Variants in CACNA2D3 observed in about 807,000 individuals in gnomAD.
CACNA2D3 encodes the protein calcium voltage-gated channel auxiliary subunit alpha2delta 3, also known as voltage-dependent calcium channel subunit alpha-2/delta-3.
CACNA2D3 carries 60 observed loss-of-function variants against 160.6 expected under a neutral mutation model. The ratio of observed to expected loss-of-function variants is 0.37; its 90% confidence interval spans 0.30 to 0.46. CACNA2D3 has a LOEUF of 0.46. CACNA2D3 is among the 20% of genes least tolerant of loss of function. CACNA2D3 has a pLI of 1.00. For synonymous variants in CACNA2D3, 558 were observed against 492.9 expected (o/e 1.13, Z -1.75); for missense variants, 1,205 against 1,365.0 (o/e 0.88, Z 1.85).
At chr3:54,882,815 A>G (rs1230666800) in intron 21 of CACNA2D3, among the ~76,000 whole-genome samples, 1 of 152,146 alleles carries the variant, frequency 6.6e-6, no homozygotes, top group Admixed American at 6.5e-5. Context: ...CCATACTTCT[A>G]TAGGATCTTC....
chr3:54,640,379 G>T (rs569245133), intron 10 of CACNA2D3, among the ~76,000 whole-genome samples: 1 of 152,124 alleles, frequency 6.6e-6, no homozygotes, highest in Non-Finnish European at 1.5e-5. Context: ...TTCCCATCTC[G>T]CAGCATTGAC....
chr3:54,469,807 G>A (rs928107097), intron 4 of CACNA2D3, among the ~76,000 whole-genome samples: 6 of 152,018 alleles, frequency 3.9e-5, no homozygotes, highest in Admixed American at 2.0e-4. Flanking sequence ...TAGCCAAGCC[G>A]ATCAAGCGGA....
At chr3:55,005,185 A>C (rs1703066616) in intron 32 of CACNA2D3, among the ~76,000 whole-genome samples, 1 of 152,092 alleles carries the variant, frequency 6.6e-6, no homozygotes, top group Admixed American at 6.6e-5. Context: ...CTGAGGCGGG[A>C]GAACCGCTTG....
chr3:54,153,585 G>C (rs1210473910), intron 2 of CACNA2D3, among the ~76,000 whole-genome samples: 1 of 152,130 alleles, frequency 6.6e-6, no homozygotes, highest in African/African-American at 2.4e-5. Flanking sequence ...AGATGCTAAA[G>C]AAATAATAAA....
At chr3:54,947,996 G>A (rs17054592) in intron 27 of CACNA2D3, among the ~76,000 whole-genome samples, 1 of 152,130 alleles carries the variant, frequency 6.6e-6, no homozygotes, top group African/African-American at 2.4e-5. Flanking sequence ...TGGAACCACA[G>A]ATGGGGGAGA....
chr3:54,741,919 A>C (rs534559803), intron 11 of CACNA2D3, among the ~76,000 whole-genome samples: 18 of 151,872 alleles, frequency 1.2e-4, no homozygotes, highest in African/African-American at 4.3e-4. Context: ...GGTCTCTGTC[A>C]CCAGGCTGGA....
intron 2 of CACNA2D3, among the ~76,000 whole-genome samples, chr3:54,146,764 C>A (rs1190090430): frequency 1.3e-5 from 2 of 152,222 alleles, no homozygotes; most frequent in Non-Finnish European, 2.9e-5. Context: ...ACCGTTAGGG[C>A]CCCTCCATCC....
At chr3:54,564,423 C>A (rs1383883233) in intron 6 of CACNA2D3, among the ~76,000 whole-genome samples, 1 of 152,162 alleles carries the variant, frequency 6.6e-6, no homozygotes, top group African/African-American at 2.4e-5. Context: ...TGCATAATTT[C>A]TGTGTTAGTA....
At position 54,241,441 on chromosome 3, in the gene CACNA2D3, C is replaced by A. The variant is rs566698281; in HGVS notation, c.205-79001C>A. ...GAGCTGGGATTCAAACCCAGGCCAT[C>A]TGGCTCCAGAGTCCACAGTCTAAGA... On this transcript the variant is annotated intron_variant, in intron 2 of 37. Transcript: ENST00000474759. Among the ~76,000 whole-genome samples the A allele has an allele frequency of 1.3e-3, 193 of 152,206 alleles. 1 individual carries two copies. The highest frequency in any genetic ancestry group is 2.5e-3 in the Non-Finnish European group (171 of 68,032).
At chr3:54,578,424 A>G (rs1702621779) in intron 8 of CACNA2D3, among the ~76,000 whole-genome samples, 1 of 152,204 alleles carries the variant, frequency 6.6e-6, no homozygotes, top group Non-Finnish European at 1.5e-5. Context: ...AAGCTGAAAG[A>G]TTTCCAAATA....
chr3:54,713,936 A>G (rs147248562), intron 11 of CACNA2D3, among the ~76,000 whole-genome samples: 5 of 152,224 alleles, frequency 3.3e-5, no homozygotes, highest in African/African-American at 7.2e-5. Context: ...GAATGTAGCC[A>G]TTGTTCAAGT....
intron 2 of CACNA2D3, among the ~76,000 whole-genome samples, chr3:54,146,387 A>C (rs970361839): frequency 2.6e-5 from 4 of 152,224 alleles, no homozygotes; most frequent in Admixed American, 2.6e-4. Context: ...AGTGGGGACA[A>C]AGGCAGGCCT....
chr3:54,954,153 T>C (rs577578865), intron 27 of CACNA2D3, among the ~76,000 whole-genome samples: 6 of 152,296 alleles, frequency 3.9e-5, no homozygotes, highest in African/African-American at 1.4e-4. Context: ...CATGCAGGCA[T>C]TTCCTGAGTC....
chr3:54,775,220 G>A (rs989695269), intron 13 of CACNA2D3, among the ~76,000 whole-genome samples: 2 of 152,130 alleles, frequency 1.3e-5, no homozygotes, highest in Admixed American at 6.6e-5. Flanking sequence ...GGAAGACCGA[G>A]AAGTACCAGA....
intron 35 of CACNA2D3, among the ~76,000 whole-genome samples, chr3:55,056,397 A>G (rs2107214217): frequency 6.6e-6 from 1 of 152,284 alleles, no homozygotes; most frequent in Admixed American, 6.5e-5. Context: ...AACTGTATGG[A>G]GTTTCCTTAA....
In CACNA2D3 at chr3:54,942,457, T is replaced by C. The variant is rs143446706; in HGVS notation, c.2450-25993T>C. Among the ~76,000 whole-genome samples, 487 of 152,342 alleles carry C rather than the reference T, an allele frequency of 3.2e-3. 1 individual carries two copies. The highest frequency in any genetic ancestry group is 0.011 in the African/African-American group (469 of 41,572). On this transcript the variant is annotated intron_variant, in intron 27 of 37. Transcript: ENST00000474759. ...GGGAAATAGTTTTAGGCCTGAATCT[T>C]GAGGCTGGGACCTTGAATCTGCTGA...
intron 4 of CACNA2D3, among the ~76,000 whole-genome samples, chr3:54,471,158 A>C (rs755780588): frequency 6.6e-6 from 1 of 152,204 alleles, no homozygotes; most frequent in Non-Finnish European, 1.5e-5. Flanking sequence ...ATGTAATTGG[A>C]AGTAAAACAC....
intron 35 of CACNA2D3, among the ~76,000 whole-genome samples, chr3:55,050,905 A>C (rs1704186617): frequency 7.4e-6 from 1 of 134,864 alleles, no homozygotes; most frequent in Admixed American, 7.2e-5. Flanking sequence ...TTGGCTCCTG[A>C]GGCTTCTGCA....
At chr3:54,350,435 C>T (rs1326112906) in intron 3 of CACNA2D3, among the ~76,000 whole-genome samples, 1 of 152,070 alleles carries the variant, frequency 6.6e-6, no homozygotes, top group Non-Finnish European at 1.5e-5. Context: ...TATGGCCTTT[C>T]TCTCTCTGGG....
Sources: allele counts gnomAD v4.1 joint callset (sites outside exome capture counted in the v4.1 genomes callset), GRCh38; gene constraint gnomAD v4.1.1; transcripts MANE v1.5; gene names NCBI Gene and HGNC (gene_info 2026-07-23, HGNC 2026-07-21).